The following ABR variants were observed in gnomAD, a reference collection of about 807,000 sequenced individuals.
The protein encoded by ABR is active breakpoint cluster region-related protein.
Under a neutral mutation model 107.2 loss-of-function variants are expected in ABR, and 35 were observed. That is an observed-to-expected ratio of 0.33 (90% CI 0.25 to 0.43). The LOEUF is 0.43. ABR is among the 20% of genes least tolerant of loss of function. The pLI, the probability that ABR is intolerant of heterozygous loss-of-function variation, is 1.00. For synonymous variants in ABR, 498 were observed against 462.0 expected, an observed-to-expected ratio of 1.08 and a Z score of -1.00; for missense variants, 815 against 1,115.2, an observed-to-expected ratio of 0.73 and a Z score of 3.83.
At chr17:1,164,812 G>A (rs2041443393) in intron 1 of ABR, among the ~76,000 whole-genome samples, 1 of 152,020 alleles carries the variant, frequency 6.6e-6, no homozygotes, top group Non-Finnish European at 1.5e-5. Context: ...GACTACAGGT[G>A]TCTGCCACCA....
chr17:1,125,441 C>T (rs544208655), intron 1 of ABR, 74 bp from the exon 2 acceptor site: 9 of 1,568,312 alleles, frequency 5.7e-6, no homozygotes, highest in East Asian at 2.2e-5. Flanking sequence ...GTAGTGGGCG[C>T]CGGCGGCGGC....
intron 1 of ABR, among the ~76,000 whole-genome samples, chr17:1,169,153 C>G (rs1464949838): frequency 1.3e-5 from 2 of 152,186 alleles, no homozygotes; most frequent in Non-Finnish European, 2.9e-5. Context: ...GAGGCACTCA[C>G]AAAGCCAGAT....
intron 2 of ABR, among the ~76,000 whole-genome samples, chr17:1,111,113 G>A (rs907364828): frequency 6.6e-6 from 1 of 152,146 alleles, no homozygotes; most frequent in Admixed American, 6.5e-5. Flanking sequence ...CAGGTGACAC[G>A]AAGAAGGGCC....
chr17:1,188,720 G>A (rs895463077), upstream of ABR, among the ~76,000 whole-genome samples: 2 of 152,146 alleles, frequency 1.3e-5, no homozygotes, highest in African/African-American at 4.8e-5. Flanking sequence ...GGCGGATGGC[G>A]AGTTCCCATC....
Position 1,094,456 on chromosome 17 carries a change from C to T in ABR, c.346-2606G>A, listed in dbSNP as rs560799053. Among the ~76,000 whole-genome samples, 99 of 151,832 alleles carry T rather than the reference C, an allele frequency of 6.5e-4. 1 individual carries two copies. The highest frequency in any genetic ancestry group is 2.1e-3 in the African/African-American group (88 of 41,380). Reference sequence around the variant, plus strand: ...TGCAATCTCGGCTCACTGCAACCTCCGCCTCCCAGGTTCAAGCGATTCTCC... The same window carrying T: ...TGCAATCTCGGCTCACTGCAACCTCTGCCTCCCAGGTTCAAGCGATTCTCC... On this transcript the variant is annotated intron_variant, in intron 3 of 22. Transcript: ENST00000302538.
chr17:1,013,145 T>C lies in ABR; in HGVS notation c.1811A>G (p.Glu604Gly). ...CACGTCCGTGTGCCAGTTCTTGGTC[T>C]CCACGGTTTGTGGGTCCAGCTGCAG... ...GQIQLDPQTV[E>G]TKNWHTDVIE... Residue 604 changes from glutamate (E) to glycine (G), a missense_variant, in exon 17 of 23, where the codon GAG (glutamate) becomes GGG (glycine). Physicochemically the swap from Glu to Gly is moderately conservative, Grantham distance 98. This residue lies in a region of ABR where 92 missense variants were observed against 82.3 expected (regional missense o/e 1.12). Transcript: ENST00000302538. 6.2e-7 allele frequency: 1 copy of C among 1,614,180 alleles called. No individual in the cohort carries two copies. Among genetic ancestry groups the C allele is most frequent in the Non-Finnish European group, 8.5e-7 (1 of 1,180,012 alleles).
exon 1 of ABR, among the ~76,000 whole-genome samples, chr17:1,229,496 C>T (rs2043295465): frequency 6.6e-6 from 1 of 151,996 alleles, no homozygotes; most frequent in Non-Finnish European, 1.5e-5. Flanking sequence ...GCACCTGTTG[C>T]AGCCGCTCCA....
In ABR at chr17:1,150,961, G is replaced by C. The variant is rs933862848; in HGVS notation, c.62-25594C>G. On this transcript the variant is annotated intron_variant, in intron 1 of 22. Transcript: ENST00000302538. This position sits in a 1 kb window ranked among gnomAD's most constrained non-coding sequence, Gnocchi z 4.8. ...GAGGAGGTCACGTATGCAACTTGCT[G>C]TCATCTTTCTAAAAGGTAAGAATGG... Among the ~76,000 whole-genome samples the C allele has an allele frequency of 1.3e-5, 2 of 152,142 alleles. No individual in the cohort carries two copies. The highest frequency in any genetic ancestry group is 2.4e-5 in the African/African-American group (1 of 41,426).
rs900145396 is a variant in ABR at position 1,139,226 on chromosome 17, GA to G, written c.62-13860del. Among the ~76,000 whole-genome samples the G allele has an allele frequency of 8.0e-5, 12 of 150,862 alleles. No homozygotes were observed. In the East Asian group the frequency reaches 9.7e-4, roughly 12 times the overall value. ...CTCCTTAAAGTGAGCTTGCTAGGCA[GA>G]AAAAAAAAGAGGTTTTTTTTGTTCC... On this transcript the variant is annotated intron_variant, in intron 1 of 22. Transcript: ENST00000302538.
chr17:1,114,585 T>C (rs1216303540), intron 2 of ABR, among the ~76,000 whole-genome samples: 3 of 152,056 alleles, frequency 2.0e-5, no homozygotes, highest in South Asian at 2.1e-4. Context: ...CCATCCTGGC[T>C]AACACGGTGA....
At chr17:1,058,172 T>A in intron 11 of ABR, 127 bp from the exon 12 acceptor site, 1 of 498,794 alleles carries the variant, frequency 2.0e-6, no homozygotes, top group Non-Finnish European at 3.4e-6. Context: ...AGAGTCTCGC[T>A]CTTGTTGCCC....
intron 1 of ABR, among the ~76,000 whole-genome samples, chr17:1,146,296 C>CACACACACACACACACACAT (rs3219520): frequency 6.8e-6 from 1 of 146,574 alleles, no homozygotes; most frequent in African/African-American, 2.5e-5. Flanking sequence ...CACACACACA[C>CACACACACACACACACACAT]ATCACATCCT....
chr17:1,222,839 G>A (rs2043142835), intron 1 of ABR, among the ~76,000 whole-genome samples: 1 of 152,098 alleles, frequency 6.6e-6, no homozygotes, highest in African/African-American at 2.4e-5. Context: ...AGCCTAGGAG[G>A]TGGAGGCTGC....
intron 1 of ABR, among the ~76,000 whole-genome samples, chr17:1,216,437 C>T (rs965073505): frequency 6.6e-6 from 1 of 152,200 alleles, no homozygotes; most frequent in Non-Finnish European, 1.5e-5. Context: ...CCTCTCACGT[C>T]AGAAGTGGAG....
At chr17:1,226,927 A>AC (rs55869637) in intron 1 of ABR, among the ~76,000 whole-genome samples, 152,288 of 152,302 alleles carry the variant, frequency 1, 76,138 homozygotes, top group Non-Finnish European at 1. Flanking sequence ...TCACTTCCTC[A>AC]CGAGGAGGCT....
intron 14 of ABR, 49 bp downstream of exon 14, chr17:1,055,986 G>A (rs572538594): frequency 1.9e-6 from 3 of 1,555,224 alleles, no homozygotes; most frequent in Non-Finnish European, 2.7e-6. Flanking sequence ...GCAGAGCAGT[G>A]CAGAATCCAC....
chr17:1,050,677 A>G lies in ABR; in HGVS notation c.1562-43T>C, dbSNP rs769153158. 5.2e-5 allele frequency: 80 copies of G among 1,538,750 alleles called. No homozygotes were observed. Among genetic ancestry groups the G allele is most frequent in the Admixed American group, 8.4e-5 (5 of 59,716 alleles). ...ACGGAGATACTGAGTGAGTGGGGCC[A>G]GGGTGGGGCAGCTGGGGCGGCACTC... On this transcript the variant is annotated intron_variant, in intron 14 of 22. Transcript: ENST00000302538. This position sits in a 1 kb window ranked among gnomAD's most constrained non-coding sequence, Gnocchi z 4.6.
chr17:1,121,005 A>G (rs1164969942), intron 2 of ABR, among the ~76,000 whole-genome samples: 2 of 152,202 alleles, frequency 1.3e-5, no homozygotes, highest in Non-Finnish European at 2.9e-5. Context: ...GTCAGCTGAG[A>G]TGAGTCCTGG....
intron 1 of ABR, among the ~76,000 whole-genome samples, chr17:1,169,018 G>T (rs1232281576): frequency 6.6e-6 from 1 of 152,228 alleles, no homozygotes; most frequent in Non-Finnish European, 1.5e-5. Context: ...ACGCCAGCTG[G>T]TCTCTCATGA....
Sources: gnomAD v4.1 joint callset for allele counts (sites outside exome capture counted in the v4.1 genomes callset) on GRCh38, gnomAD v4.1.1 for gene constraint, gnomAD v4.1.1 regional missense constraint, Gnocchi (gnomAD v3.1) non-coding constraint, MANE v1.5 for transcripts, NCBI Gene and HGNC (gene_info 2026-07-23, HGNC 2026-07-21) for gene names.